Variants in HEPHL1 observed in about 807,000 individuals in gnomAD.
HEPHL1 encodes the protein hephaestin like 1, also known as ferroxidase HEPHL1.
In HEPHL1, 123 loss-of-function variants were observed where a neutral mutation model predicts 122.0. The observed-to-expected ratio is 1.01, with a 90% confidence interval of 0.87 to 1.17. HEPHL1 has a LOEUF of 1.17. HEPHL1 is among the 50% of genes most tolerant of loss of function. The pLI is 0.00. For missense variants in HEPHL1, 1,452 were observed against 1,430.5 expected (o/e 1.01, Z -0.24); for synonymous variants, 527 against 508.9 (o/e 1.04, Z -0.48).
At chr11:94,083,136 T>C (rs1471303754) in intron 10 of HEPHL1, among the ~76,000 whole-genome samples, 3 of 151,734 alleles carry the variant, frequency 2.0e-5, no homozygotes, top group Non-Finnish European at 2.9e-5. Context: ...ATCATAAATG[T>C]AGAAAATTAC....
chr11:94,110,100 T>G (rs973174511), intron 17 of HEPHL1, among the ~76,000 whole-genome samples: 1 of 152,332 alleles, frequency 6.6e-6, no homozygotes, highest in South Asian at 2.1e-4. Context: ...AGTTGTACAA[T>G]TTTTGGATAA....
chr11:94,061,681 T>C (rs1945986073), intron 2 of HEPHL1, among the ~76,000 whole-genome samples: 1 of 152,198 alleles, frequency 6.6e-6, no homozygotes, highest in African/African-American at 2.4e-5. Context: ...TGAGTACAAA[T>C]GATTCTGTCA....
intron 12 of HEPHL1, among the ~76,000 whole-genome samples, chr11:94,091,075 A>G (rs1430096362): frequency 1.3e-5 from 2 of 152,178 alleles, no homozygotes; most frequent in Non-Finnish European, 1.5e-5. Flanking sequence ...TAGGTGTGTG[A>G]TTTAGTCATC....
At position 94,073,087 on chromosome 11, in the gene HEPHL1, G is replaced by C; in HGVS notation, c.1295G>C (p.Arg432Pro). 1 of 1,612,788 alleles carries C rather than the reference G, an allele frequency of 6.2e-7. No individual in the cohort carries two copies. The highest frequency in any genetic ancestry group is 1.1e-5 in the South Asian group (1 of 91,014). ...ATAGGAGGAAAATACTGGAAGGTTCGGTATACTGAATTTGTTGATGCAACT... is the reference window on the plus strand; with the variant it reads ...ATAGGAGGAAAATACTGGAAGGTTCCGTATACTGAATTTGTTGATGCAACT... ...NRIGGKYWKV[R>P]YTEFVDATFT... Residue 432 changes from arginine to proline, a missense_variant, in exon 7 of 20, where the codon CGG becomes CCG. Coordinates refer to ENST00000315765, the MANE Select transcript of HEPHL1 (RefSeq NM_001098672.2).
At chr11:94,047,653 C>T (rs1324141394) in intron 2 of HEPHL1, among the ~76,000 whole-genome samples, 1 of 152,032 alleles carries the variant, frequency 6.6e-6, no homozygotes, top group Admixed American at 6.6e-5. Flanking sequence ...TTATGCTGCA[C>T]GTAGCAAGTA....
At chr11:94,035,894 G>A (rs1308116328) in intron 1 of HEPHL1, among the ~76,000 whole-genome samples, 2 of 152,066 alleles carry the variant, frequency 1.3e-5, no homozygotes, top group African/African-American at 4.8e-5. Flanking sequence ...CCGTTACCAC[G>A]CCCGGCTAAT....
chr11:94,056,657 T>TATCTACC (rs3060401), intron 2 of HEPHL1, among the ~76,000 whole-genome samples: 1 of 111,804 alleles, frequency 8.9e-6, no homozygotes, highest in Admixed American at 8.4e-5. Context: ...CTATTATTGA[T>TATCTACC]TATCTATCTA....
intron 1 of HEPHL1, among the ~76,000 whole-genome samples, chr11:94,036,651 A>G (rs1358233789): frequency 1.3e-5 from 2 of 152,110 alleles, no homozygotes; most frequent in African/African-American, 4.8e-5. Flanking sequence ...CCTGGCTAAC[A>G]TGGTGAAACC....
chr11:94,084,937 A>G (rs568727322), intron 10 of HEPHL1, among the ~76,000 whole-genome samples: 3 of 152,316 alleles, frequency 2.0e-5, no homozygotes, highest in Admixed American at 2.0e-4. Context: ...GGTTTTTGCA[A>G]TTACTTTCAA....
intron 1 of HEPHL1, among the ~76,000 whole-genome samples, chr11:94,043,957 A>C (rs1400035797): frequency 6.6e-6 from 1 of 151,972 alleles, no homozygotes; most frequent in East Asian, 1.9e-4. Context: ...AGAGAGAATA[A>C]ATGCACGGAC....
chr11:94,037,565 AC>A (rs1945738054), intron 1 of HEPHL1, among the ~76,000 whole-genome samples: 1 of 151,968 alleles, frequency 6.6e-6, no homozygotes, highest in Non-Finnish European at 1.5e-5. Flanking sequence ...CTGACCCCTG[AC>A]CCCCAAGCAG....
chr11:94,085,878 C>A, intron 10 of HEPHL1, 99 bp from the exon 11 acceptor site: 2 of 846,906 alleles, frequency 2.4e-6, no homozygotes, highest in East Asian at 2.6e-5. Flanking sequence ...ACTGTTTATT[C>A]TCTGAAAACA....
chr11:94,082,615 T>C (rs748144386), intron 10 of HEPHL1, 47 bp downstream of exon 10: 2 of 1,550,116 alleles, frequency 1.3e-6, no homozygotes, highest in Admixed American at 3.8e-5. Flanking sequence ...CTGACTTGCA[T>C]TAGAAGTGAA....
chr11:94,073,806 G>T (rs1946098587), intron 8 of HEPHL1, among the ~76,000 whole-genome samples: 1 of 152,158 alleles, frequency 6.6e-6, no homozygotes, highest in African/African-American at 2.4e-5. Context: ...GGATTCTGCA[G>T]GTGAAGGCTG....
At chr11:94,089,105 C>A in intron 12 of HEPHL1, 137 bp downstream of exon 12, 1 of 818,330 alleles carries the variant, frequency 1.2e-6, no homozygotes, top group Non-Finnish European at 2.0e-6. Flanking sequence ...CTTATGTGCA[C>A]AGATTAGGGA....
chr11:94,059,931 C>A (rs1467739591), intron 2 of HEPHL1, among the ~76,000 whole-genome samples: 1 of 151,676 alleles, frequency 6.6e-6, no homozygotes, highest in Non-Finnish European at 1.5e-5. Flanking sequence ...TGATCTCAAT[C>A]GAAACTTCGA....
chr11:94,030,235 T>C (rs1945661112), intron 1 of HEPHL1, among the ~76,000 whole-genome samples: 1 of 152,216 alleles, frequency 6.6e-6, no homozygotes, highest in Non-Finnish European at 1.5e-5. Context: ...CATTGTCAGC[T>C]ATAAAACTGG....
chr11:94,072,718 A>G (rs1275205435), intron 6 of HEPHL1, among the ~76,000 whole-genome samples: 1 of 152,106 alleles, frequency 6.6e-6, no homozygotes, highest in Non-Finnish European at 1.5e-5. Flanking sequence ...GCTCTTTGTT[A>G]CTTTGTAGAA....
chr11:94,096,237 T>C (rs940513085), intron 13 of HEPHL1, among the ~76,000 whole-genome samples: 2 of 152,182 alleles, frequency 1.3e-5, no homozygotes, highest in Non-Finnish European at 2.9e-5. Context: ...GAAGCGCTGT[T>C]GAATTTTTTC....
Sources: gnomAD v4.1 joint callset for allele counts (sites outside exome capture counted in the v4.1 genomes callset) on GRCh38, gnomAD v4.1.1 for gene constraint, MANE v1.5 for transcripts, NCBI Gene and HGNC (gene_info 2026-07-23, HGNC 2026-07-21) for gene names.